ANKRD30BL: variants seen among roughly 807,000 people sequenced by gnomAD.
ANKRD30BL encodes the protein putative ankyrin repeat domain-containing protein 30B-like.
A neutral mutation model predicts 18.4 loss-of-function variants in ANKRD30BL; 20 were observed. That is an observed-to-expected ratio of 1.09 (90% CI 0.77 to 1.58). ANKRD30BL has a LOEUF of 1.58. Among genes scored for constraint, ANKRD30BL ranks in the 40% most tolerant of loss-of-function variants. The probability of loss-of-function intolerance (pLI) is 0.00; values close to 1 mark genes in which losing one functional copy is unlikely to be tolerated. For synonymous variants in ANKRD30BL, 72 were observed against 100.9 expected (o/e 0.71, Z 1.72); for missense variants, 224 against 268.6 (o/e 0.83, Z 1.16).
chr2:132,162,819 G>A (rs1439472391), upstream of ANKRD30BL, among the ~76,000 whole-genome samples: 1 of 152,200 alleles, frequency 6.6e-6, no homozygotes, highest in Non-Finnish European at 1.5e-5. Flanking sequence ...GCCAGGATGC[G>A]GCTGAGCAGC....
chr2:132,169,386 C>T (rs1203350961), intron 1 of ANKRD30BL, among the ~76,000 whole-genome samples: 10 of 152,144 alleles, frequency 6.6e-5, no homozygotes, highest in Non-Finnish European at 1.2e-4. Context: ...CGGTGGCCCA[C>T]GCCTGTAATC....
intron 1 of ANKRD30BL, among the ~76,000 whole-genome samples, chr2:132,187,193 T>TTTG (rs1688579768): frequency 2.1e-5 from 3 of 140,690 alleles, no homozygotes; most frequent in African/African-American, 8.3e-5. Context: ...TGTTTGTTTT[T>TTTG]TTTTTTTTTT....
In ANKRD30BL at chr2:132,183,385, T is replaced by C. The variant is rs1179408086; in HGVS notation, n.442-26239A>G. On this transcript the variant is annotated intron_variant and non_coding_transcript_variant, in intron 1 of 4. Coordinates refer to the ANKRD30BL transcript ENST00000470729. Reference sequence around the variant, plus strand: ...ACCTTGTGATCTGCCCGCTTTGGCCTCCCAAAGTGCTGAGATTACAGGCAT... The same window carrying C: ...ACCTTGTGATCTGCCCGCTTTGGCCCCCCAAAGTGCTGAGATTACAGGCAT... 9.9e-5 allele frequency among the ~76,000 whole-genome samples: 15 copies of C among 152,254 alleles called. No homozygotes were observed. The South Asian group carries it at 3.1e-3, about 32-fold the overall frequency.
chr2:132,222,437 G>C (rs1233550586), intron 1 of ANKRD30BL, among the ~76,000 whole-genome samples: 1 of 152,028 alleles, frequency 6.6e-6, no homozygotes, highest in African/African-American at 2.4e-5. Context: ...GATGGTTGCC[G>C]GGTCTGTGTG....
chr2:132,240,245 T>C (rs1235222395), intron 1 of ANKRD30BL, among the ~76,000 whole-genome samples: 1 of 151,866 alleles, frequency 6.6e-6, no homozygotes, highest in African/African-American at 2.4e-5. Context: ...TAGAGCAGAT[T>C]TGAAACACTC....
intron 1 of ANKRD30BL, among the ~76,000 whole-genome samples, chr2:132,187,193 T>G (rs1421282167): frequency 0.038 from 5,288 of 140,464 alleles, 255 homozygotes; most frequent in African/African-American, 0.14. Flanking sequence ...TGTTTGTTTT[T>G]TTTTTTTTTT....
chr2:132,153,749 C>T (rs1325448681), intron 4 of ANKRD30BL: 2 of 833,518 alleles, frequency 2.4e-6, no homozygotes, highest in African/African-American at 1.8e-5. Context: ...TTAATATGTG[C>T]CTGTCAGTAT....
At chr2:132,221,472 C>T (rs1406191967) in intron 1 of ANKRD30BL, among the ~76,000 whole-genome samples, 1 of 126,148 alleles carries the variant, frequency 7.9e-6, no homozygotes, top group Non-Finnish European at 1.6e-5. Flanking sequence ...TGAGGGGCGC[C>T]TCTGCCTGGC....
At chr2:132,197,015 G>A (rs1678982078) in intron 1 of ANKRD30BL, among the ~76,000 whole-genome samples, 1 of 152,188 alleles carries the variant, frequency 6.6e-6, no homozygotes. Context: ...GAATGGAGAA[G>A]TCATATTTAA....
intron 1 of ANKRD30BL, among the ~76,000 whole-genome samples, chr2:132,200,109 A>T (rs373045254): frequency 0.011 from 1,632 of 151,936 alleles, 9 homozygotes; most frequent in Non-Finnish European, 0.015. Context: ...CATGCTAAAA[A>T]CTCTCAATAA....
chr2:132,172,308 C>T (rs1011640158), intron 1 of ANKRD30BL, among the ~76,000 whole-genome samples: 21 of 152,312 alleles, frequency 1.4e-4, no homozygotes, highest in South Asian at 6.2e-4. Flanking sequence ...CTGTTGTCCA[C>T]AGAAGCTACA....
At chr2:132,211,860 A>G (rs890791312) in intron 1 of ANKRD30BL, among the ~76,000 whole-genome samples, 17 of 152,190 alleles carry the variant, frequency 1.1e-4, no homozygotes, top group African/African-American at 4.1e-4. Flanking sequence ...AGAATCTGCA[A>G]GTGGACATTT....
intron 1 of ANKRD30BL, among the ~76,000 whole-genome samples, chr2:132,236,338 T>C (rs568301641): frequency 7.8e-4 from 119 of 151,868 alleles, no homozygotes; most frequent in African/African-American, 2.6e-3. Context: ...AATTGACAAA[T>C]GGGATCTAAT....
At chr2:132,183,294 G>A (rs1200811247) in intron 1 of ANKRD30BL, among the ~76,000 whole-genome samples, 1 of 151,982 alleles carries the variant, frequency 6.6e-6, no homozygotes, top group Non-Finnish European at 1.5e-5. Flanking sequence ...ATCATGCCCA[G>A]CTAATTTTTG....
At chr2:132,230,740 T>A (rs1348473042) in intron 1 of ANKRD30BL, among the ~76,000 whole-genome samples, 1 of 151,692 alleles carries the variant, frequency 6.6e-6, no homozygotes, top group African/African-American at 2.4e-5. Context: ...TAGAGCAGAT[T>A]TGAAACACTC....
At chr2:132,155,976 A>C (rs1233564733) in intron 3 of ANKRD30BL, 1 of 151,946 alleles carries the variant, frequency 6.6e-6, no homozygotes, top group East Asian at 1.9e-4. Flanking sequence ...TACTCCTAGG[A>C]TCCTAATGCA....
At chr2:132,237,922 T>C (rs533589118) in intron 1 of ANKRD30BL, among the ~76,000 whole-genome samples, 20 of 151,962 alleles carry the variant, frequency 1.3e-4, no homozygotes, top group Admixed American at 3.9e-4. Flanking sequence ...AGAAGATATT[T>C]GGATAGCTTT....
At chr2:132,179,994 T>G (rs1288347581) in intron 1 of ANKRD30BL, among the ~76,000 whole-genome samples, 1 of 152,136 alleles carries the variant, frequency 6.6e-6, no homozygotes, top group Non-Finnish European at 1.5e-5. Flanking sequence ...AAAAGTATAT[T>G]AAATAAAAAA....
intron 1 of ANKRD30BL, among the ~76,000 whole-genome samples, chr2:132,221,612 C>A (rs1285837969): frequency 7.7e-6 from 1 of 130,142 alleles, no homozygotes; most frequent in Non-Finnish European, 1.6e-5. Context: ...CAGCCCCCCG[C>A]CCGGCCAGCC....
Sources: gnomAD v4.1 joint callset for allele counts (sites outside exome capture counted in the v4.1 genomes callset) on GRCh38, gnomAD v4.1.1 for gene constraint, MANE v1.5 for transcripts, NCBI Gene and HGNC (gene_info 2026-07-23, HGNC 2026-07-21) for gene names.